The following CFAP20 variants were observed in gnomAD, a reference collection of about 807,000 sequenced individuals.
CFAP20 encodes cilia and flagella associated protein 20, also known as cilia- and flagella-associated protein 20.
In CFAP20, 14 loss-of-function variants were observed where a neutral mutation model predicts 25.5. The ratio of observed to expected loss-of-function variants is 0.55; its 90% CI spans 0.36 to 0.86. The LOEUF (loss-of-function observed/expected upper bound fraction) is 0.86. Ranked by LOEUF, CFAP20 falls within the 40% of genes least tolerant of loss-of-function variation. The probability of loss-of-function intolerance (pLI) is 0.01; values close to 1 mark genes in which losing one functional copy is unlikely to be tolerated. For synonymous variants in CFAP20, 75 were observed against 91.1 expected (o/e 0.82, Z 1.01); for missense variants, 181 against 248.0 (o/e 0.73, Z 1.81).
chr16:58,123,722 C>T (rs964629076), intron 1 of CFAP20, among the ~76,000 whole-genome samples: 6 of 145,928 alleles, frequency 4.1e-5, no homozygotes, highest in Admixed American at 1.4e-4. Context: ...TTACATTAAA[C>T]GTAAGAGTCT....
At chr16:58,116,600 T>G (rs1960460982) in intron 2 of CFAP20, 1 of 490,858 alleles carries the variant, frequency 2.0e-6, no homozygotes, top group Non-Finnish European at 3.6e-6. Context: ...TCGTGCTTAC[T>G]ATGTGCTAAG....
intron 1 of CFAP20, among the ~76,000 whole-genome samples, chr16:58,126,902 C>T (rs1346414193): frequency 1.3e-5 from 2 of 152,202 alleles, no homozygotes; most frequent in African/African-American, 2.4e-5. Context: ...CTCTTTCCTT[C>T]CCTTGCCCCA....
At chr16:58,126,500 A>G (rs906734127) in intron 1 of CFAP20, among the ~76,000 whole-genome samples, 1 of 152,210 alleles carries the variant, frequency 6.6e-6, no homozygotes, top group African/African-American at 2.4e-5. Context: ...ATAGAAACCG[A>G]ACAGAAATTC....
rs11859600 is a variant in CFAP20 at position 58,113,691 on chromosome 16, G to A, written c.*334C>T. The A allele has an allele frequency of 4.1e-4, 115 of 279,358 alleles. No homozygotes were observed. The highest frequency in any genetic ancestry group is 2.1e-3 in the African/African-American group (101 of 47,174). 17.3% of individuals were successfully genotyped at this position (279,358 alleles called of 1,614,324 possible). On this transcript the variant is annotated 3_prime_UTR_variant, in exon 6 of 6. Transcript: ENST00000262498. ...TAATATATAAAACATAGAATAAACC[G>A]CAGGAAGAAATATTGGTCTGGAATT...
intron 1 of CFAP20, among the ~76,000 whole-genome samples, chr16:58,125,729 A>G (rs1960602710): frequency 6.6e-6 from 1 of 152,232 alleles, no homozygotes; most frequent in South Asian, 2.1e-4. Context: ...TAGTAAATAC[A>G]TAAGCCAGTA....
intron 1 of CFAP20, among the ~76,000 whole-genome samples, chr16:58,124,920 C>A (rs1441171357): frequency 1.3e-5 from 2 of 152,216 alleles, no homozygotes; most frequent in African/African-American, 4.8e-5. Flanking sequence ...CCAGACTACA[C>A]TAAATTTATT....
At chr16:58,120,504 G>A (rs927897576) in intron 1 of CFAP20, among the ~76,000 whole-genome samples, 7 of 152,090 alleles carry the variant, frequency 4.6e-5, no homozygotes, top group East Asian at 1.9e-4. Flanking sequence ...CAAAGTTTAC[G>A]ACTTCCCTGG....
At chr16:58,114,765 C>A (rs1215429562) in intron 5 of CFAP20, 45 bp downstream of exon 5, 1 of 1,474,442 alleles carries the variant, frequency 6.8e-7, no homozygotes. Context: ...GAACACAGCT[C>A]CCCCCACTCA....
chr16:58,128,936 G>A (rs1960665231), intron 1 of CFAP20, 96 bp downstream of exon 1: 3 of 1,244,708 alleles, frequency 2.4e-6, no homozygotes, highest in East Asian at 3.5e-5. Context: ...GCCTCTCCCA[G>A]GCCCCAATTC....
intron 1 of CFAP20, among the ~76,000 whole-genome samples, chr16:58,121,907 A>G (rs1351028573): frequency 1.3e-5 from 2 of 152,160 alleles, no homozygotes; most frequent in Non-Finnish European, 2.9e-5. Context: ...CCCTCCCCCA[A>G]CTTTCATTTT....
Position 58,115,344 on chromosome 16 carries a change from GT to G in CFAP20, c.389del (p.Asn130ThrfsTer8). ...AGTCTAGCAAGTTGAACTGAATCTG[GT>G]TCCAGCCGTCATCCAGCCGCATGGG... ...TMPMRLDDGWNQIQFNLLDFT... is the reference protein window; with the variant it reads ...TMPMRLDDGWXQIQFNLLDFT... On this transcript the variant is annotated frameshift_variant, in exon 4 of 6. Coordinates refer to ENST00000262498, the MANE Select transcript of CFAP20 (RefSeq NM_013242.3). LOFTEE classifies it high-confidence loss of function. 6.2e-7 allele frequency: 1 copy of G among 1,614,240 alleles called. No individual in the cohort carries two copies. The highest frequency in any genetic ancestry group is 8.5e-7 in the Non-Finnish European group (1 of 1,180,038).
chr16:58,126,794 C>T (rs1307759262), intron 1 of CFAP20, among the ~76,000 whole-genome samples: 1 of 152,200 alleles, frequency 6.6e-6, no homozygotes, highest in African/African-American at 2.4e-5. Flanking sequence ...CAGTGTTCCC[C>T]CTACTGGATT....
intron 1 of CFAP20, among the ~76,000 whole-genome samples, chr16:58,128,720 G>A (rs1270019883): frequency 6.6e-6 from 1 of 152,102 alleles, no homozygotes; most frequent in African/African-American, 2.4e-5. Context: ...GGAAACAGTG[G>A]CTCAAAAGAA....
chr16:58,118,880 A>G (rs1285270576), intron 1 of CFAP20, among the ~76,000 whole-genome samples: 1 of 152,180 alleles, frequency 6.6e-6, no homozygotes, highest in Non-Finnish European at 1.5e-5. Context: ...ATGGAATAAC[A>G]TATGAAAAAG....
At chr16:58,115,760 G>A in intron 3 of CFAP20, 1 of 519,690 alleles carries the variant, frequency 1.9e-6, no homozygotes, top group Non-Finnish European at 3.4e-6. Context: ...AAACAGAACA[G>A]CCACCCACTA....
intron 1 of CFAP20, chr16:58,119,286 A>C (rs1960500642): frequency 6.6e-6 from 1 of 152,222 alleles, no homozygotes. Context: ...GCAAGAGCCA[A>C]GACCAGTTAT....
chr16:58,125,861 C>G (rs1960604152), intron 1 of CFAP20, among the ~76,000 whole-genome samples: 1 of 152,180 alleles, frequency 6.6e-6, no homozygotes, highest in Admixed American at 6.6e-5. Context: ...ATGCATTTGA[C>G]TTAACGAACA....
chr16:58,114,728 G>C, intron 5 of CFAP20, 82 bp downstream of exon 5: 1 of 1,130,178 alleles, frequency 8.8e-7, no homozygotes, highest in Non-Finnish European at 1.3e-6. Flanking sequence ...CTCTGCAGCT[G>C]AATTCTTAGA....
At chr16:58,127,888 A>T (rs564647269) in intron 1 of CFAP20, among the ~76,000 whole-genome samples, 4 of 152,346 alleles carry the variant, frequency 2.6e-5, no homozygotes, top group Non-Finnish European at 5.9e-5. Context: ...TGTGGCCCTC[A>T]TAAAGAGCTC....
Sources: allele counts gnomAD v4.1 joint callset (sites outside exome capture counted in the v4.1 genomes callset), GRCh38; gene constraint gnomAD v4.1.1; transcripts MANE v1.5; gene names NCBI Gene and HGNC (gene_info 2026-07-23, HGNC 2026-07-21).